The following SHISA9 variants were observed in gnomAD, a reference collection of about 807,000 sequenced individuals.
The protein encoded by SHISA9 is shisa family member 9.
Under a neutral mutation model 38.0 loss-of-function variants are expected in SHISA9, and 13 were observed. The observed-to-expected ratio is 0.34, with a 90% CI of 0.22 to 0.54. The LOEUF is 0.54. Among genes scored for constraint, SHISA9 ranks in the 20% least tolerant of loss-of-function variants. The pLI is 0.91. For missense variants in SHISA9, 538 were observed against 575.8 expected (o/e 0.93, Z 0.67); for synonymous variants, 275 against 242.0 (o/e 1.14, Z -1.27).
At chr16:13,214,975 A>G (rs1212644037) in intron 4 of SHISA9, among the ~76,000 whole-genome samples, 1 of 152,004 alleles carries the variant, frequency 6.6e-6, no homozygotes, top group Non-Finnish European at 1.5e-5. Context: ...GTTTCAAAAG[A>G]TTATTCTGGC....
chr16:12,955,059 GT>G (rs113091332), intron 2 of SHISA9, among the ~76,000 whole-genome samples: 206 of 148,956 alleles, frequency 1.4e-3, no homozygotes, highest in African/African-American at 4.6e-3. Flanking sequence ...GTGCATTGCT[GT>G]TTTTTTTTTA....
chr16:13,339,164 A>AATT, the SHISA9 span, among the ~76,000 whole-genome samples: 1 of 71,106 alleles, frequency 1.4e-5, no homozygotes. Flanking sequence ...CCTTATTGTG[A>AATT]CTTTTTTTTT....
the SHISA9 span, among the ~76,000 whole-genome samples, chr16:13,260,687 T>G: frequency 6.6e-6 from 1 of 152,188 alleles, no homozygotes; most frequent in South Asian, 2.1e-4. Flanking sequence ...CTCTCCCACA[T>G]TTTCCTGTCT....
downstream of SHISA9, among the ~76,000 whole-genome samples, chr16:13,241,669 C>A (rs2051436517): frequency 6.6e-6 from 1 of 152,164 alleles, no homozygotes; most frequent in Admixed American, 6.5e-5. Context: ...AATGAAACTT[C>A]CACTCTCTGG....
At chr16:13,324,179 C>G in the SHISA9 span, among the ~76,000 whole-genome samples, 1 of 152,220 alleles carries the variant, frequency 6.6e-6, no homozygotes, top group Non-Finnish European at 1.5e-5. Context: ...GTCTGCAGAA[C>G]TGTAAGGCAA....
At chr16:12,948,489 A>G (rs1406038966) in intron 2 of SHISA9, among the ~76,000 whole-genome samples, 2 of 152,236 alleles carry the variant, frequency 1.3e-5, no homozygotes, top group Non-Finnish European at 1.5e-5. Flanking sequence ...ACAAAATACC[A>G]TGATTGAGTA....
intron 2 of SHISA9, among the ~76,000 whole-genome samples, chr16:13,098,419 A>G (rs557702240): frequency 1.3e-5 from 2 of 152,046 alleles, no homozygotes; most frequent in East Asian, 3.9e-4. Context: ...GTTACCATAT[A>G]CCCATTAAGA....
At chr16:13,072,337 C>G (rs2073528741) in intron 2 of SHISA9, among the ~76,000 whole-genome samples, 1 of 152,210 alleles carries the variant, frequency 6.6e-6, no homozygotes, top group Non-Finnish European at 1.5e-5. Flanking sequence ...ATCATGGGTT[C>G]TGGAGACATG....
chr16:13,138,370 G>C (rs1045444537), intron 2 of SHISA9, among the ~76,000 whole-genome samples: 1 of 152,168 alleles, frequency 6.6e-6, no homozygotes, highest in Admixed American at 6.5e-5. Flanking sequence ...TTTCCACAGT[G>C]TCCTTCTCCT....
At chr16:13,513,485 G>A in the SHISA9 span, among the ~76,000 whole-genome samples, 2 of 151,980 alleles carry the variant, frequency 1.3e-5, no homozygotes, top group Admixed American at 1.3e-4. Flanking sequence ...TCCCATTATT[G>A]GGTATATACC....
In SHISA9 at chr16:12,982,747, C is replaced by G. The variant is rs1181517768; in HGVS notation, c.691+65932C>G. On this transcript the variant is annotated intron_variant, in intron 2 of 4. Transcript: ENST00000558583. Reference sequence around the variant, plus strand: ...GCATGGTGATGGTTTACTTATGTGTCTATTCCAGGCATTGTGAGTGGGCAG... The same window carrying G: ...GCATGGTGATGGTTTACTTATGTGTGTATTCCAGGCATTGTGAGTGGGCAG... 4.6e-5 allele frequency among the ~76,000 whole-genome samples: 7 copies of G among 152,190 alleles called. No homozygotes were observed. The South Asian group carries it at 1.4e-3, about 32-fold the overall frequency.
chr16:13,488,425 C>A, the SHISA9 span, among the ~76,000 whole-genome samples: 1 of 152,202 alleles, frequency 6.6e-6, no homozygotes, highest in African/African-American at 2.4e-5. Flanking sequence ...TCTTTATTCT[C>A]ATGACTAATA....
At chr16:13,363,912 G>A in the SHISA9 span, among the ~76,000 whole-genome samples, 1 of 152,114 alleles carries the variant, frequency 6.6e-6, no homozygotes, top group South Asian at 2.1e-4. Context: ...TGTTATAAAT[G>A]CACATTGTCA....
chr16:12,968,136 C>G (rs930438835), intron 2 of SHISA9, among the ~76,000 whole-genome samples: 9 of 137,498 alleles, frequency 6.5e-5, no homozygotes, highest in African/African-American at 2.5e-4. Flanking sequence ...TTCACAGTGA[C>G]CTGAGGTGGC....
At chr16:13,374,526 T>C in the SHISA9 span, among the ~76,000 whole-genome samples, 2 of 152,232 alleles carry the variant, frequency 1.3e-5, no homozygotes, top group Non-Finnish European at 2.9e-5. Flanking sequence ...TAGTATTCCA[T>C]GGTGTATATG....
chr16:13,052,959 CTTT>C (rs925020167), intron 2 of SHISA9, among the ~76,000 whole-genome samples: 3 of 106,076 alleles, frequency 2.8e-5, no homozygotes, highest in Non-Finnish European at 1.9e-5. Context: ...TCCTTCCTTT[CTTT>C]TTTTTTTTTT....
At chr16:13,094,241 C>T (rs994156512) in intron 2 of SHISA9, among the ~76,000 whole-genome samples, 2 of 152,146 alleles carry the variant, frequency 1.3e-5, no homozygotes, top group Non-Finnish European at 2.9e-5. Flanking sequence ...TTTCTCCCCA[C>T]CTCGAAACTG....
intron 2 of SHISA9, among the ~76,000 whole-genome samples, chr16:13,043,496 T>C (rs1246692152): frequency 6.6e-6 from 1 of 152,234 alleles, no homozygotes; most frequent in Admixed American, 6.5e-5. Flanking sequence ...CAAAAGTAAT[T>C]GCAGTTTTTG....
At chr16:13,067,683 G>C (rs998753564) in intron 2 of SHISA9, among the ~76,000 whole-genome samples, 1 of 152,358 alleles carries the variant, frequency 6.6e-6, no homozygotes, top group East Asian at 1.9e-4. Flanking sequence ...ATTGTCTTCA[G>C]GGGAGAGTGT....
Sources: allele counts gnomAD v4.1 joint callset (sites outside exome capture counted in the v4.1 genomes callset), GRCh38; gene constraint gnomAD v4.1.1; transcripts MANE v1.5; gene names NCBI Gene and HGNC (gene_info 2026-07-23, HGNC 2026-07-21).